The following WNK2 variants were observed in gnomAD, a reference collection of about 807,000 sequenced individuals.
The protein encoded by WNK2 is serine/threonine-protein kinase WNK2.
A neutral mutation model predicts 192.1 loss-of-function variants in WNK2; 67 were observed. The observed-to-expected ratio is 0.35, with a 90% CI of 0.29 to 0.43. The LOEUF (loss-of-function observed/expected upper bound fraction) is 0.43, where lower values mean the gene tolerates loss of function less well. Among genes scored for constraint, WNK2 ranks in the 20% least tolerant of loss-of-function variants. The pLI is 1.00. For missense variants in WNK2, 2,698 were observed against 3,089.7 expected (o/e 0.87, Z 3.01); for synonymous variants, 1,439 against 1,393.9 (o/e 1.03, Z -0.72).
rs1371418994 is a variant in WNK2, at chr9:93,289,969, T to A, written c.4867-9T>A. On this transcript the variant is annotated splice_polypyrimidine_tract_variant and intron_variant, in intron 20 of 29. Transcript: ENST00000427277. ...CACGGCTCTTCTCTTTTTGTGTTTCTTTCTCCAGGTGGAGAAGTCAGAACT... is the reference window on the plus strand; with the variant it reads ...CACGGCTCTTCTCTTTTTGTGTTTCATTCTCCAGGTGGAGAAGTCAGAACT... The A allele has an allele frequency of 6.4e-7, 1 of 1,561,214 alleles. No homozygotes were observed. The highest frequency in any genetic ancestry group is 8.7e-7 in the Non-Finnish European group (1 of 1,151,788).
At chr9:93,305,051 A>G (rs1040526320) in intron 26 of WNK2, among the ~76,000 whole-genome samples, 12 of 152,218 alleles carry the variant, frequency 7.9e-5, no homozygotes, top group African/African-American at 2.9e-4. Flanking sequence ...TCGCAGGTCC[A>G]GGCTCCCTCT....
chr9:93,216,826 CAAACAAA>C (rs1316637460), intron 2 of WNK2, among the ~76,000 whole-genome samples: 6 of 149,190 alleles, frequency 4.0e-5, no homozygotes, highest in Admixed American at 3.3e-4. Flanking sequence ...ACAACAACAA[CAAACAAA>C]CAAACAAACA....
chr9:93,266,168 G>C (rs759994165), intron 16 of WNK2, among the ~76,000 whole-genome samples: 1 of 152,190 alleles, frequency 6.6e-6, no homozygotes, highest in Non-Finnish European at 1.5e-5. Flanking sequence ...TGTGTGGCCT[G>C]TGGGACAGGC....
intron 4 of WNK2, among the ~76,000 whole-genome samples, chr9:93,232,040 A>G (rs567951246): frequency 3.3e-5 from 5 of 152,336 alleles, no homozygotes; most frequent in African/African-American, 9.6e-5. Flanking sequence ...GGAAGCCCAG[A>G]TGGCACCCAA....
chr9:93,252,896 C>A lies in WNK2; in HGVS notation c.1848C>A (p.Phe616Leu). The A allele has an allele frequency of 6.7e-7, 1 of 1,499,322 alleles. No individual in the cohort carries two copies. The highest frequency in any genetic ancestry group is 2.3e-5 in the Admixed American group (1 of 44,236). 92.9% of individuals were successfully genotyped at this position (1,499,322 alleles called of 1,614,324 possible). The change falls in exon 9 of 30, where the codon TTC (phenylalanine) becomes TTA (leucine). Residue 616 changes from phenylalanine (F) to leucine (L), a missense_variant. Physicochemically the swap from Phe to Leu is conservative, Grantham distance 22. Around this residue, in one of 7 missense-constraint regions of WNK2, gnomAD observed 893 missense variants for 909.0 expected, o/e 0.98. Transcript: ENST00000427277. ...SATSLASDST[F>L]DSGQGSTVYS... ...TGTCCTCCCCAGCGGACAGCACCTT[C>A]GACAGCGGCCAGGGCTCTACCGTGT...
chr9:93,317,791 C>T, intron 29 of WNK2, 160 bp downstream of exon 29: 1 of 1,478,562 alleles, frequency 6.8e-7, no homozygotes, highest in Non-Finnish European at 9.1e-7. Flanking sequence ...CCCGTGCTGC[C>T]AGTCTTCTTG....
chr9:93,192,419 G>T (rs1375191795), intron 2 of WNK2, among the ~76,000 whole-genome samples: 2 of 152,192 alleles, frequency 1.3e-5, no homozygotes, highest in Non-Finnish European at 2.9e-5. Context: ...GGGAAATGTG[G>T]ATTTAGGGGA....
At chr9:93,245,407 G>C (rs1185036523) in intron 7 of WNK2, among the ~76,000 whole-genome samples, 1 of 152,172 alleles carries the variant, frequency 6.6e-6, no homozygotes, top group African/African-American at 2.4e-5. Flanking sequence ...TCCATGTCCT[G>C]TCCCTCGGGA....
chr9:93,199,570 G>A (rs1207798802), intron 2 of WNK2, among the ~76,000 whole-genome samples: 1 of 152,214 alleles, frequency 6.6e-6, no homozygotes, highest in African/African-American at 2.4e-5. Context: ...TTCGAGCAGC[G>A]TAGTGAATTT....
At chr9:93,250,279 C>T (rs1031464518) in intron 8 of WNK2, among the ~76,000 whole-genome samples, 4 of 152,132 alleles carry the variant, frequency 2.6e-5, no homozygotes, top group South Asian at 2.1e-4. Context: ...TACACAGGCA[C>T]GCCCAGCCTG....
chr9:93,214,548 C>A (rs932354539), intron 2 of WNK2, among the ~76,000 whole-genome samples: 1 of 152,034 alleles, frequency 6.6e-6, no homozygotes, highest in Non-Finnish European at 1.5e-5. Flanking sequence ...AAGTGATCTG[C>A]CTGCCTCAGC....
At chr9:93,290,886 G>A (rs746188039) in intron 21 of WNK2, among the ~76,000 whole-genome samples, 11 of 152,162 alleles carry the variant, frequency 7.2e-5, no homozygotes, top group Admixed American at 2.0e-4. Flanking sequence ...TAAGGGAGCC[G>A]GACTGATCTT....
chr9:93,189,716 G>A (rs575386565), intron 2 of WNK2, among the ~76,000 whole-genome samples: 2 of 152,346 alleles, frequency 1.3e-5, no homozygotes, highest in Admixed American at 6.5e-5. Flanking sequence ...GAGCTGGCCC[G>A]TCATCCCGTG....
Position 93,256,366 on chromosome 9 carries a change from A to T in WNK2, c.2102A>T (p.Asp701Val). 1.3e-6 allele frequency: 2 copies of T among 1,580,272 alleles called. No individual in the cohort carries two copies. The highest frequency in any genetic ancestry group is 1.7e-6 in the Non-Finnish European group (2 of 1,169,624). ...CPPSLQQHFP[D>V]PAMSFAPVLP... ...CCGTCCCTCCAGCAGCACTTCCCGG[A>T]TCCGGCCATGAGCTTCGCCCCCGTG... Residue 701 changes from aspartate (D) to valine (V), a missense_variant, in exon 10 of 30, where the codon GAT becomes GTT. Coordinates refer to ENST00000427277, the MANE Select transcript of WNK2 (RefSeq NM_006648.4).
At chr9:93,278,418 T>G (rs1408120813) in intron 19 of WNK2, among the ~76,000 whole-genome samples, 1 of 152,198 alleles carries the variant, frequency 6.6e-6, no homozygotes, top group Non-Finnish European at 1.5e-5. Context: ...CACACAGGCC[T>G]GGGAATGTCT....
intron 3 of WNK2, 141 bp downstream of exon 3, chr9:93,230,009 G>C: frequency 9.5e-7 from 1 of 1,050,444 alleles, no homozygotes; most frequent in Non-Finnish European, 1.3e-6. Context: ...TCCTGCATGG[G>C]ATGCCAGGAG....
At position 93,308,436 on chromosome 9, in the gene WNK2, A is replaced by G. The variant is rs1853009032; in HGVS notation, c.6368A>G (p.Asp2123Gly). The part of the protein sequence containing the change: ...NSNNKKGTFT[D>G]DLHKLVDEWT... ...AACAACAAGAAGGGTACCTTCACGG[A>G]CGACCTGCACAAGCTGGTGGACGAG... Residue 2123 changes from aspartate to glycine, a missense_variant, in exon 28 of 30, where the codon GAC becomes GGC. Coordinates refer to ENST00000427277, the MANE Select transcript of WNK2 (RefSeq NM_006648.4). 1.2e-6 allele frequency: 2 copies of G among 1,608,824 alleles called. No individual in the cohort carries two copies. The highest frequency in any genetic ancestry group is 2.2e-5 in the South Asian group (2 of 89,612).
chr9:93,254,836 T>G (rs112364344), intron 9 of WNK2, among the ~76,000 whole-genome samples: 1 of 152,148 alleles, frequency 6.6e-6, no homozygotes, highest in African/African-American at 2.4e-5. Context: ...AAAAGGCTAC[T>G]TGCTGCTCCA....
Position 93,292,324 on chromosome 9 carries a change from G to A in WNK2, c.4953G>A (p.Arg1651=), listed in dbSNP as rs751876281. 5.0e-6 allele frequency: 8 copies of A among 1,613,810 alleles called. No individual in the cohort carries two copies. In the South Asian group the frequency reaches 8.8e-5, roughly 18 times the overall value. ...SSSMTAESSP[R]SMLGYDRDGR... ...TTCCCATAGCAGAGTCGTCTCCCAG[G>A]AGTATGCTAGGCTATGACAGAGATG... Residue 1651 remains arginine, a synonymous_variant, in exon 22 of 30, where the codon AGG becomes AGA. Coordinates refer to ENST00000427277, the MANE Select transcript of WNK2 (RefSeq NM_006648.4).
Sources: allele counts gnomAD v4.1 joint callset (sites outside exome capture counted in the v4.1 genomes callset), GRCh38; gene constraint gnomAD v4.1.1; regional missense constraint gnomAD v4.1.1; transcripts MANE v1.5; gene names NCBI Gene and HGNC (gene_info 2026-07-23, HGNC 2026-07-21).